Variants in FCHSD2 observed in about 807,000 individuals in gnomAD.
The protein encoded by FCHSD2 is F-BAR and double SH3 domains protein 2.
Under a neutral mutation model 108.1 loss-of-function variants are expected in FCHSD2, and 38 were observed. That is an observed-to-expected ratio of 0.35 (90% CI 0.27 to 0.46). The LOEUF (loss-of-function observed/expected upper bound fraction) is 0.46. Among genes scored for constraint, FCHSD2 ranks in the 20% least tolerant of loss-of-function variants. The pLI is 1.00. For missense variants in FCHSD2, 751 were observed against 897.8 expected (o/e 0.84, Z 2.09); for synonymous variants, 279 against 314.7 (o/e 0.89, Z 1.20).
intron 2 of FCHSD2, among the ~76,000 whole-genome samples, chr11:73,099,571 G>C (rs1355810993): frequency 6.6e-6 from 1 of 152,180 alleles, no homozygotes; most frequent in African/African-American, 2.4e-5. Flanking sequence ...CTGATGAATG[G>C]ATAAATAAAA....
chr11:72,869,358 A>G (rs1316692054), intron 12 of FCHSD2, among the ~76,000 whole-genome samples: 1 of 150,940 alleles, frequency 6.6e-6, no homozygotes, highest in Non-Finnish European at 1.5e-5. Flanking sequence ...ACAGATGCTA[A>G]TTTTTCACTT....
chr11:73,111,186 T>C (rs1860476308), intron 2 of FCHSD2, among the ~76,000 whole-genome samples: 1 of 152,210 alleles, frequency 6.6e-6, no homozygotes, highest in East Asian at 1.9e-4. Flanking sequence ...ACCAGGTCCA[T>C]TCGGTCTATA....
intron 2 of FCHSD2, among the ~76,000 whole-genome samples, chr11:73,109,779 T>C (rs1253147749): frequency 6.6e-6 from 1 of 152,182 alleles, no homozygotes; most frequent in Non-Finnish European, 1.5e-5. Context: ...ATGTTCCAGA[T>C]CTTAGAGGAA....
At chr11:72,984,050 A>G in intron 8 of FCHSD2, 38 bp downstream of exon 8, 3 of 1,556,988 alleles carry the variant, frequency 1.9e-6, no homozygotes, top group Non-Finnish European at 2.6e-6. Context: ...TTTGTTTTCA[A>G]TGAAGTAAAA....
At chr11:73,118,259 C>T (rs1034926822) in intron 2 of FCHSD2, among the ~76,000 whole-genome samples, 9 of 152,134 alleles carry the variant, frequency 5.9e-5, no homozygotes, top group African/African-American at 1.9e-4. Context: ...GCAGAGACTG[C>T]GGTGAGCCGA....
chr11:72,944,347 CA>C (rs1856478774), intron 8 of FCHSD2, among the ~76,000 whole-genome samples: 1 of 152,144 alleles, frequency 6.6e-6, no homozygotes, highest in South Asian at 2.1e-4. Context: ...CAAAATTCAA[CA>C]ACGCTTCATT....
At chr11:72,890,121 A>C (rs750602538) in intron 10 of FCHSD2, among the ~76,000 whole-genome samples, 176 bp from the exon 11 acceptor site, 1 of 152,234 alleles carries the variant, frequency 6.6e-6, no homozygotes, top group Non-Finnish European at 1.5e-5. Context: ...GAGTAAGATC[A>C]GCATAAAACC....
At chr11:72,913,979 A>G (rs1029036629) in intron 9 of FCHSD2, among the ~76,000 whole-genome samples, 1 of 152,172 alleles carries the variant, frequency 6.6e-6, no homozygotes, top group South Asian at 2.1e-4. Flanking sequence ...GGAAAAATCA[A>G]TATCATAAAA....
At chr11:72,866,026 G>A (rs534922304) in intron 13 of FCHSD2, among the ~76,000 whole-genome samples, 7 of 152,178 alleles carry the variant, frequency 4.6e-5, no homozygotes, top group Non-Finnish European at 1.0e-4. Flanking sequence ...TCAGTTCAAA[G>A]TCAGATGGTA....
At chr11:72,892,740 G>A (rs1316639748) in intron 10 of FCHSD2, among the ~76,000 whole-genome samples, 1 of 151,966 alleles carries the variant, frequency 6.6e-6, no homozygotes. Context: ...AGGTAGCTGG[G>A]ACTACAGGCA....
At chr11:73,003,624 C>A (rs1591474572) in intron 4 of FCHSD2, among the ~76,000 whole-genome samples, 1 of 149,888 alleles carries the variant, frequency 6.7e-6, no homozygotes, top group Non-Finnish European at 1.5e-5. Flanking sequence ...GTAGCTGGGA[C>A]TACAGGCGCC....
chr11:73,003,729 G>A (rs987381419), intron 4 of FCHSD2, among the ~76,000 whole-genome samples: 1 of 151,352 alleles, frequency 6.6e-6, no homozygotes, highest in South Asian at 2.1e-4. Context: ...CTCGTGATCC[G>A]CCCGCCTCGG....
chr11:73,037,908 C>CA (rs1858537962), intron 3 of FCHSD2, among the ~76,000 whole-genome samples: 1 of 152,118 alleles, frequency 6.6e-6, no homozygotes, highest in Non-Finnish European at 1.5e-5. Context: ...CTTTTATATC[C>CA]AATCCCTCAC....
intron 9 of FCHSD2, among the ~76,000 whole-genome samples, chr11:72,913,177 C>T (rs1411028588): frequency 6.6e-6 from 1 of 152,144 alleles, no homozygotes; most frequent in Non-Finnish European, 1.5e-5. Flanking sequence ...GGCCCCTCCT[C>T]CAACATTGGG....
intron 2 of FCHSD2, among the ~76,000 whole-genome samples, chr11:73,124,177 G>A (rs369713004): frequency 7.9e-5 from 12 of 152,220 alleles, no homozygotes; most frequent in South Asian, 2.1e-4. Context: ...ACCAAACACC[G>A]CATGTTCTCA....
At chr11:73,002,426 C>G (rs769875047) in intron 4 of FCHSD2, among the ~76,000 whole-genome samples, 3 of 152,186 alleles carry the variant, frequency 2.0e-5, no homozygotes, top group Non-Finnish European at 1.5e-5. Flanking sequence ...AACGAATGCT[C>G]TCCATGGCCT....
At chr11:73,118,682 T>C (rs532595495) in intron 2 of FCHSD2, among the ~76,000 whole-genome samples, 1 of 152,306 alleles carries the variant, frequency 6.6e-6, no homozygotes, top group Admixed American at 6.5e-5. Context: ...TCTATTTTCA[T>C]TGCATGTGAT....
intron 9 of FCHSD2, among the ~76,000 whole-genome samples, chr11:72,913,472 T>C (rs968407730): frequency 1.7e-4 from 26 of 152,202 alleles, no homozygotes; most frequent in South Asian, 6.2e-4. Context: ...TTTCGCCATG[T>C]TGGCCAGGCT....
chr11:72,941,003 G>GA (rs1233748498), intron 8 of FCHSD2: 1 of 742,744 alleles, frequency 1.3e-6, no homozygotes, highest in East Asian at 2.5e-5. Flanking sequence ...TCTACAGGCC[G>GA]AAAGAGCCAT....
Sources: gnomAD v4.1 joint callset for allele counts (sites outside exome capture counted in the v4.1 genomes callset) on GRCh38, gnomAD v4.1.1 for gene constraint, MANE v1.5 for transcripts, NCBI Gene and HGNC (gene_info 2026-07-23, HGNC 2026-07-21) for gene names.